The following TRIM33 variants were observed in gnomAD, a reference collection of about 807,000 sequenced individuals.
The protein encoded by TRIM33 is tripartite motif containing 33.
In TRIM33, 20 loss-of-function variants were observed where a neutral mutation model predicts 125.4. The ratio of observed to expected loss-of-function variants is 0.16; its 90% CI spans 0.11 to 0.23. The LOEUF is 0.23. Ranked by LOEUF, TRIM33 falls within the 10% of genes least tolerant of loss-of-function variation. The probability of loss-of-function intolerance (pLI) is 1.00; values close to 1 mark genes in which losing one functional copy is unlikely to be tolerated. For synonymous variants in TRIM33, 564 were observed against 513.9 expected (o/e 1.10, Z -1.32); for missense variants, 920 against 1,411.4 (o/e 0.65, Z 5.58).
At chr1:114,475,768 C>G (rs1419200139) in intron 1 of TRIM33, among the ~76,000 whole-genome samples, 1 of 152,064 alleles carries the variant, frequency 6.6e-6, no homozygotes, top group Non-Finnish European at 1.5e-5. Flanking sequence ...CAAAAGAAAT[C>G]TATCAACAAA....
At chr1:114,414,987 C>CTTTTT (rs1232374980) in intron 11 of TRIM33, among the ~76,000 whole-genome samples, 4 of 108,202 alleles carry the variant, frequency 3.7e-5, no homozygotes, top group South Asian at 3.0e-4. Context: ...GAGGTAGATT[C>CTTTTT]TATTTTTTTT....
chr1:114,469,688 GA>G (rs1486118464), intron 1 of TRIM33, among the ~76,000 whole-genome samples: 4 of 152,124 alleles, frequency 2.6e-5, no homozygotes, highest in Non-Finnish European at 4.4e-5. Context: ...CTTTACTAAA[GA>G]AATTTTATAG....
Position 114,442,687 on chromosome 1 carries a change from CAAAAAAAAAA to C in TRIM33, c.924-8964_924-8955del, listed in dbSNP as rs34847018. ...TGGGCGACAAAGCAAGACTCTGTCT[CAAAAAAAAAA>C]AAAAAAAGAAAAAAAAAGAAAAAAA... On this transcript the variant is annotated intron_variant, in intron 4 of 19. Coordinates refer to ENST00000358465, the MANE Select transcript of TRIM33 (RefSeq NM_015906.4). 9.1e-4 allele frequency among the ~76,000 whole-genome samples: 67 copies of C among 73,854 alleles called. 1 individual carries two copies. The South Asian group carries it at 0.013, about 14-fold the overall frequency. The allele number at this position is 73,854 out of a possible 152,430, so 48.5% of individuals were successfully genotyped here.
chr1:114,424,893 C>T (rs934262126), intron 9 of TRIM33, 138 bp from the exon 10 acceptor site: 1 of 608,496 alleles, frequency 1.6e-6, no homozygotes, highest in African/African-American at 1.9e-5. Flanking sequence ...TATCGCTAGC[C>T]CCAATCCCCA....
intron 1 of TRIM33, among the ~76,000 whole-genome samples, chr1:114,505,074 T>C (rs1652916030): frequency 6.6e-6 from 1 of 152,208 alleles, no homozygotes; most frequent in South Asian, 2.1e-4. Context: ...ACAAAAACTC[T>C]ATGATGTAGG....
rs11367427 is a variant in TRIM33 at position 114,461,215 on chromosome 1, AATAT to A, written c.923+1885_923+1888del. Among the ~76,000 whole-genome samples, 1,241 of 133,112 alleles carry A rather than the reference AATAT, an allele frequency of 9.3e-3. 41 individuals are homozygous for A. Among genetic ancestry groups the A allele is most frequent in the Admixed American group, 0.063 (829 of 13,188 alleles). 87.3% of individuals were successfully genotyped at this position (133,112 alleles called of 152,430 possible). On this transcript the variant is annotated intron_variant, in intron 4 of 19. Coordinates refer to ENST00000358465, the MANE Select transcript of TRIM33 (RefSeq NM_015906.4). ...GACAGAGCAAGAACCTGTCTTTAAA[AATAT>A]ATATATATATATATATACATATATT...
At chr1:114,492,820 CTTAACA>C (rs1337603777) in intron 1 of TRIM33, among the ~76,000 whole-genome samples, 3 of 152,218 alleles carry the variant, frequency 2.0e-5, no homozygotes, top group African/African-American at 7.2e-5. Context: ...CTGTTGAACA[CTTAACA>C]TTATTTCCAC....
intron 18 of TRIM33, among the ~76,000 whole-genome samples, chr1:114,398,911 A>AAAAC (rs1553204376): frequency 8.7e-5 from 13 of 148,874 alleles, no homozygotes; most frequent in Non-Finnish European, 1.3e-4. Context: ...AAAAAAAAAA[A>AAAAC]AAAACAAAAC....
chr1:114,407,086 C>T lies in TRIM33; in HGVS notation c.2273G>A (p.Gly758Glu), dbSNP rs749446722. The T allele has an allele frequency of 6.2e-7, 1 of 1,612,928 alleles. No individual in the cohort carries two copies. Among genetic ancestry groups the T allele is most frequent in the Non-Finnish European group, 8.5e-7 (1 of 1,179,540 alleles). Residue 758 changes from glycine (G) to glutamate (E), a missense_variant, in exon 14 of 20, where the codon GGA becomes GAA. Around this residue, in one of 8 missense-constraint regions of TRIM33, gnomAD observed 407 missense variants for 589.7 expected, o/e 0.69. Transcript: ENST00000358465. ...TGSRGSCGSS[G>E]RTAEKTSLSF... Reference sequence around the variant, plus strand: ...AAGACTTGTCTTCTCAGCAGTTCTTCCTGATGACCCACAGCTAATAAGAAA... The same window carrying T: ...AAGACTTGTCTTCTCAGCAGTTCTTTCTGATGACCCACAGCTAATAAGAAA...
rs1652156936 is a variant in TRIM33, at chr1:114,405,195, G to A, written c.2768+215C>T. On this transcript the variant is annotated intron_variant, in intron 15 of 19. Coordinates refer to ENST00000358465, the MANE Select transcript of TRIM33 (RefSeq NM_015906.4). ...TATACTGAATATAAACTAAAGGCCA[G>A]GAGATGAAATCTACTCTTTAACATT... 3 of 482,722 alleles carry A rather than the reference G, an allele frequency of 6.2e-6. No homozygotes were observed. In the South Asian group the frequency reaches 1.1e-4, roughly 18 times the overall value. The allele number at this position is 482,722 out of a possible 1,614,324, so 29.9% of individuals were successfully genotyped here. A position where few individuals can be genotyped will look rare whatever the true frequency, so the allele number is the denominator to read the frequency against.
At chr1:114,428,775 A>G (rs1017271959) in intron 6 of TRIM33, among the ~76,000 whole-genome samples, 18 of 152,346 alleles carry the variant, frequency 1.2e-4, no homozygotes, top group Non-Finnish European at 1.6e-4. Context: ...ATTACACTAG[A>G]AAACATCTAT....
At chr1:114,502,332 C>T in intron 1 of TRIM33, among the ~76,000 whole-genome samples, 1 of 152,116 alleles carries the variant, frequency 6.6e-6, no homozygotes, top group East Asian at 1.9e-4. Context: ...ACTTCCTGGT[C>T]TCAGGACCTC....
Position 114,430,906 on chromosome 1 carries a change from T to G in TRIM33, c.1047A>C (p.Lys349Asn). 1 of 1,564,760 alleles carries G rather than the reference T, an allele frequency of 6.4e-7. No homozygotes were observed. The highest frequency in any genetic ancestry group is 8.8e-7 in the Non-Finnish European group (1 of 1,135,518). ...FAATQVQNRI[K>N]EVNETNKRVE... ...CTCGTTTGTTAGTCTCATTTACTTC[T>G]TTTATCCTGAATAAGAGAAATGCAT... Residue 349 changes from lysine to asparagine, a missense_variant, in exon 6 of 20, where the codon AAA (lysine) becomes AAC (asparagine). By Grantham distance (94) the Lys-to-Asn change is moderately conservative (BLOSUM62 0). Coordinates refer to ENST00000358465, the MANE Select transcript of TRIM33 (RefSeq NM_015906.4).
At chr1:114,401,616 A>G (rs971791045) in intron 16 of TRIM33, among the ~76,000 whole-genome samples, 153 bp from the exon 17 acceptor site, 1 of 152,196 alleles carries the variant, frequency 6.6e-6, no homozygotes, top group African/African-American at 2.4e-5. Context: ...TAAACACCCA[A>G]AGAAAATTCC....
intron 15 of TRIM33, among the ~76,000 whole-genome samples, chr1:114,403,619 C>T (rs1652044960): frequency 6.6e-6 from 1 of 152,112 alleles, no homozygotes; most frequent in South Asian, 2.1e-4. Context: ...CTCACTCCAA[C>T]CTCTGCCTCC....
At chr1:114,483,482 T>C (rs1300017428) in intron 1 of TRIM33, among the ~76,000 whole-genome samples, 1 of 151,316 alleles carries the variant, frequency 6.6e-6, no homozygotes, top group Non-Finnish European at 1.5e-5. Flanking sequence ...AGTGGCATGA[T>C]CTCACTGCAA....
intron 1 of TRIM33, among the ~76,000 whole-genome samples, chr1:114,484,230 A>G (rs1238357138): frequency 6.6e-6 from 1 of 152,234 alleles, no homozygotes; most frequent in Non-Finnish European, 1.5e-5. Context: ...ATACTTTGGA[A>G]ACTTACAGAC....
chr1:114,419,376 A>T (rs1488269996), intron 11 of TRIM33, among the ~76,000 whole-genome samples: 1 of 151,980 alleles, frequency 6.6e-6, no homozygotes, highest in Admixed American at 6.6e-5. Context: ...CCGTGAATTG[A>T]TTTTGTTTGT....
At chr1:114,421,708 T>G in intron 10 of TRIM33, 72 bp from the exon 11 acceptor site, 1 of 1,476,990 alleles carries the variant, frequency 6.8e-7, no homozygotes, top group Admixed American at 1.8e-5. Flanking sequence ...CCTTTATAAT[T>G]TTTAGTTTAG....
Sources: gnomAD v4.1 joint callset for allele counts (sites outside exome capture counted in the v4.1 genomes callset) on GRCh38, gnomAD v4.1.1 for gene constraint, gnomAD v4.1.1 regional missense constraint, MANE v1.5 for transcripts, NCBI Gene and HGNC (gene_info 2026-07-23, HGNC 2026-07-21) for gene names.